The following LRP11 variants were observed in gnomAD, a reference collection of about 807,000 sequenced individuals.
The protein encoded by LRP11 is LDL receptor related protein 11.
LRP11 carries 25 observed loss-of-function variants against 43.1 expected under a neutral mutation model. That is an observed-to-expected ratio of 0.58 (90% CI 0.42 to 0.81). LRP11 has a LOEUF of 0.81. Ranked by LOEUF, LRP11 falls within the 30% of genes least tolerant of loss-of-function variation. LRP11 has a pLI of 0.00. For missense variants in LRP11, 623 were observed against 665.1 expected (o/e 0.94, Z 0.70); for synonymous variants, 316 against 299.4 (o/e 1.06, Z -0.57).
chr6:149,836,286 G>C lies in LRP11; in HGVS notation c.1051C>G (p.Arg351Gly). 1 of 1,614,076 alleles carries C rather than the reference G, an allele frequency of 6.2e-7. No homozygotes were observed. Among genetic ancestry groups the C allele is most frequent in the South Asian group, 1.1e-5 (1 of 91,070 alleles). ...EDFCQNLGLD[R>G]KMVTHTAASP... ...GCTGCCGTGTGGGTTACCATCTTGCGGTCCAGGCCCACTGAAGTGTGGAAG... is the reference window on the plus strand; with the variant it reads ...GCTGCCGTGTGGGTTACCATCTTGCCGTCCAGGCCCACTGAAGTGTGGAAG... The change falls in exon 5 of 7, where the codon CGC becomes GGC. Residue 351 changes from arginine to glycine, a missense_variant. Transcript: ENST00000239367.
chr6:149,859,396 A>ATATATATTT, intron 1 of LRP11, among the ~76,000 whole-genome samples: 2 of 71,496 alleles, frequency 2.8e-5, no homozygotes, highest in Non-Finnish European at 4.6e-5. Flanking sequence ...ATATATATAT[A>ATATATATTT]TTTTTTTTTT....
At position 149,837,388 on chromosome 6, in the gene LRP11, TCGCA is replaced by T. The variant is rs1776487295; in HGVS notation, c.985_988del (p.Cys329MetfsTer25). Reference sequence around the variant, plus strand: ...CCCATCAGGACACTGCTGCACTCCATCGCAGGCGAGCGTGATGTCAATGCAGCAG... The same window carrying T: ...CCCATCAGGACACTGCTGCACTCCATGGCGAGCGTGATGTCAATGCAGCAG... On this transcript the variant is annotated frameshift_variant, in exon 4 of 7. Transcript: ENST00000239367. LOFTEE classifies it high-confidence loss of function. The T allele has an allele frequency of 1.2e-6, 2 of 1,614,108 alleles. No individual in the cohort carries two copies. Among genetic ancestry groups the T allele is most frequent in the African/African-American group, 2.7e-5 (2 of 75,030 alleles).
At chr6:149,824,835 G>C (rs973230836) in intron 6 of LRP11, among the ~76,000 whole-genome samples, 1 of 152,152 alleles carries the variant, frequency 6.6e-6, no homozygotes, top group Non-Finnish European at 1.5e-5. Flanking sequence ...ACTCCAACCT[G>C]GACAACAGAG....
In LRP11 at chr6:149,831,193, G is replaced by A. The variant is rs556428172; in HGVS notation, c.1253-4834C>T. On this transcript the variant is annotated intron_variant, in intron 5 of 6. Transcript: ENST00000239367. ...TACTATGCATGGCGACACATTCACA[G>A]AGGGAATTGGCAGCTGGATGGAAGC... Among the ~76,000 whole-genome samples, 5 of 152,354 alleles carry A rather than the reference G, an allele frequency of 3.3e-5. No individual in the cohort carries two copies. The East Asian group carries it at 9.6e-4, about 29-fold the overall frequency.
chr6:149,857,961 T>C (rs949972743), intron 1 of LRP11, among the ~76,000 whole-genome samples: 9 of 152,234 alleles, frequency 5.9e-5, no homozygotes, highest in African/African-American at 2.2e-4. Context: ...GGTATTATCA[T>C]CTGCATAATA....
At chr6:149,842,179 CTTA>C (rs3036664) in intron 3 of LRP11, among the ~76,000 whole-genome samples, 64,630 of 151,652 alleles carry the variant, frequency 0.43, 14,677 homozygotes, top group East Asian at 0.81. Flanking sequence ...TTTGAAGTGA[CTTA>C]TTATATCAGC....
intron 3 of LRP11, among the ~76,000 whole-genome samples, chr6:149,840,592 C>G (rs1394207429): frequency 6.6e-6 from 1 of 152,206 alleles, no homozygotes; most frequent in African/African-American, 2.4e-5. Context: ...AGTGCAGGCC[C>G]TTCCTCCCTC....
At chr6:149,851,342 A>G (rs1276673065) in intron 2 of LRP11, among the ~76,000 whole-genome samples, 3 of 152,328 alleles carry the variant, frequency 2.0e-5, no homozygotes, top group Admixed American at 2.0e-4. Flanking sequence ...ATGGGGTTCA[A>G]TTAGGGGTAT....
chr6:149,852,952 G>C, intron 2 of LRP11, 51 bp downstream of exon 2: 2 of 1,493,160 alleles, frequency 1.3e-6, no homozygotes, highest in Admixed American at 2.1e-5. Flanking sequence ...CATTACAAAA[G>C]ACCACTTCAC....
intron 3 of LRP11, among the ~76,000 whole-genome samples, chr6:149,840,641 T>A (rs1258694565): frequency 6.6e-6 from 1 of 152,186 alleles, no homozygotes; most frequent in African/African-American, 2.4e-5. Context: ...CCTTTTCTGA[T>A]TTCTGTGGGG....
chr6:149,862,154 A>T (rs1178626790), intron 1 of LRP11, among the ~76,000 whole-genome samples: 2 of 152,168 alleles, frequency 1.3e-5, no homozygotes, highest in Non-Finnish European at 2.9e-5. Context: ...AAGCAGTCGC[A>T]GGGTGACCCT....
chr6:149,847,361 C>G (rs1354291206), intron 2 of LRP11, among the ~76,000 whole-genome samples: 2 of 152,212 alleles, frequency 1.3e-5, no homozygotes, highest in Non-Finnish European at 2.9e-5. Context: ...GAGCACACTC[C>G]AGTTTAGATC....
chr6:149,854,462 T>C (rs1157230613), intron 1 of LRP11, among the ~76,000 whole-genome samples: 2 of 152,236 alleles, frequency 1.3e-5, no homozygotes, highest in African/African-American at 4.8e-5. Context: ...ATTATGTTTA[T>C]TTCAATATTA....
chr6:149,862,821 C>G (rs769798566), intron 1 of LRP11, among the ~76,000 whole-genome samples: 1 of 152,062 alleles, frequency 6.6e-6, no homozygotes, highest in Non-Finnish European at 1.5e-5. Flanking sequence ...CTCAGGTGAT[C>G]CGCCCTCCTC....
chr6:149,860,746 G>A (rs1486180618), intron 1 of LRP11, among the ~76,000 whole-genome samples: 5 of 152,042 alleles, frequency 3.3e-5, no homozygotes, highest in Admixed American at 6.6e-5. Flanking sequence ...GCATCCTCCC[G>A]CCTTCCCTAC....
chr6:149,850,950 A>C (rs1776709778), intron 2 of LRP11, among the ~76,000 whole-genome samples: 1 of 152,210 alleles, frequency 6.6e-6, no homozygotes. Flanking sequence ...GATCTCTCTA[A>C]GCTGCCTGGC....
At chr6:149,841,277 C>A (rs530141133) in intron 3 of LRP11, among the ~76,000 whole-genome samples, 1 of 152,166 alleles carries the variant, frequency 6.6e-6, no homozygotes, top group African/African-American at 2.4e-5. Context: ...CTTTTATCCT[C>A]ATTCTGCACT....
rs767921707 is a variant in LRP11 at position 149,863,444 on chromosome 6, C to T, written c.577G>A (p.Ala193Thr). The T allele has an allele frequency of 9.9e-5, 131 of 1,322,586 alleles. No individual in the cohort carries two copies. The highest frequency in any genetic ancestry group is 1.0e-4 in the Non-Finnish European group (107 of 1,044,562). The allele number at this position is 1,322,586 out of a possible 1,614,324, so 81.9% of individuals were successfully genotyped here. The change falls in exon 1 of 7, where the codon GCC becomes ACC. Residue 193 changes from alanine to threonine, a missense_variant. Transcript: ENST00000239367. ...GAGGCGCGCGCGGTGGCCAGGGCGG[C>T]GCCGTCCGGCGCGCGGCTGAGGCTG... is the stretch of plus-strand genomic sequence containing the variant. ...SYSLSRAPDG[A>T]ALATARASPR...
rs753405672 is a variant in LRP11 at position 149,847,098 on chromosome 6, CA to C, written c.772-3975del. ...CGTCACCCTGTGCCAGAGCTCCCTG[CA>C]AAAGTCAGTGAGTCACTGAGCTTCT... On this transcript the variant is annotated intron_variant, in intron 2 of 6. Transcript: ENST00000239367. Among the ~76,000 whole-genome samples the C allele has an allele frequency of 7.2e-5, 11 of 152,268 alleles. No homozygotes were observed. In the South Asian group the frequency reaches 2.3e-3, roughly 32 times the overall value.
Sources: allele counts gnomAD v4.1 joint callset (sites outside exome capture counted in the v4.1 genomes callset), GRCh38; gene constraint gnomAD v4.1.1; transcripts MANE v1.5; gene names NCBI Gene and HGNC (gene_info 2026-07-23, HGNC 2026-07-21).